Variants in NUP62CL observed in about 807,000 individuals in gnomAD.
NUP62CL encodes nucleoporin 62 C-terminal like.
In NUP62CL, 13 loss-of-function variants were observed where a neutral mutation model predicts 15.3. That is an observed-to-expected ratio of 0.85 (90% confidence interval 0.55 to 1.35). The LOEUF is 1.35. Ranked by LOEUF, NUP62CL falls within the 40% of genes most tolerant of loss-of-function variation. NUP62CL has a pLI of 0.00. For synonymous variants in NUP62CL, 54 were observed against 49.2 expected (o/e 1.10, Z -0.41); for missense variants, 123 against 130.6 (o/e 0.94, Z 0.28).
chrX:107,164,797 C>T (rs1926469761), intron 4 of NUP62CL, among the ~76,000 whole-genome samples: 1 of 112,869 alleles, frequency 8.9e-6, no homozygotes, highest in Admixed American at 9.3e-5. Context: ...TTTAAAAGCC[C>T]CTTTAGCCTA....
chrX:107,133,909 A>G (rs59299869), intron 8 of NUP62CL, among the ~76,000 whole-genome samples: 40,942 of 110,898 alleles, frequency 0.37, 8,134 homozygotes, highest in African/African-American at 0.77. Context: ...CTGCACTCCA[A>G]CCTGGGCGAC....
chrX:107,205,036 A>C (rs1927640445), intron 1 of NUP62CL, among the ~76,000 whole-genome samples: 1 of 110,732 alleles, frequency 9.0e-6, no homozygotes, highest in South Asian at 3.7e-4. Context: ...TGTGGTGTAC[A>C]TTTTTTAAAA....
chrX:107,155,595 G>C (rs1298370652), intron 4 of NUP62CL, among the ~76,000 whole-genome samples: 1 of 111,910 alleles, frequency 8.9e-6, no homozygotes, highest in Non-Finnish European at 1.9e-5. Context: ...ACTTTTGCTG[G>C]AGTGGTGTGG....
intron 7 of NUP62CL, among the ~76,000 whole-genome samples, chrX:107,152,049 G>GATATATATATATATATATAT (rs778670339): frequency 2.4e-5 from 1 of 41,145 alleles, no homozygotes; most frequent in African/African-American, 1.5e-4. Flanking sequence ...TATATATTCA[G>GATATATATATATATATATAT]ATATATATAT....
intron 2 of NUP62CL, among the ~76,000 whole-genome samples, chrX:107,177,802 G>A (rs775810931): frequency 6.3e-5 from 7 of 111,349 alleles, no homozygotes; most frequent in Non-Finnish European, 9.4e-5. Context: ...TCCTCAATGC[G>A]CTAACATAGT....
At chrX:107,199,289 C>T (rs1927428578) in intron 1 of NUP62CL, among the ~76,000 whole-genome samples, 1 of 111,898 alleles carries the variant, frequency 8.9e-6, no homozygotes, top group Non-Finnish European at 1.9e-5. Flanking sequence ...GTGAAGGAAC[C>T]GGACACTATT....
chrX:107,189,893 G>GA (rs1444486654), intron 2 of NUP62CL, among the ~76,000 whole-genome samples: 9 of 90,710 alleles, frequency 9.9e-5, no homozygotes, highest in African/African-American at 4.0e-4. Context: ...AAGAAAGAAA[G>GA]AAAGAAAGAA....
intron 8 of NUP62CL, among the ~76,000 whole-genome samples, chrX:107,131,017 G>A (rs1197567767): frequency 1.8e-5 from 2 of 110,021 alleles, no homozygotes; most frequent in African/African-American, 6.6e-5. Flanking sequence ...GGCCTAATAC[G>A]GAAAAACTAA....
At chrX:107,153,906 G>A (rs925400746) in intron 5 of NUP62CL, among the ~76,000 whole-genome samples, 190 bp downstream of exon 5, 1 of 111,455 alleles carries the variant, frequency 9.0e-6, no homozygotes, top group Non-Finnish European at 1.9e-5. Flanking sequence ...CAGGGAGATC[G>A]AGGCTGCAGT....
At chrX:107,187,600 G>A (rs1927098295) in intron 2 of NUP62CL, among the ~76,000 whole-genome samples, 1 of 112,026 alleles carries the variant, frequency 8.9e-6, no homozygotes, top group South Asian at 3.7e-4. Context: ...GTTTTGCCAC[G>A]TTGGCCAGGC....
chrX:107,183,823 C>G (rs1449374702), intron 2 of NUP62CL, among the ~76,000 whole-genome samples: 1 of 111,259 alleles, frequency 9.0e-6, no homozygotes, highest in Non-Finnish European at 1.9e-5. Flanking sequence ...AGCCTAGACA[C>G]CCACCCTTGT....
intron 4 of NUP62CL, among the ~76,000 whole-genome samples, chrX:107,159,730 A>G (rs867904182): frequency 0.022 from 1,691 of 76,258 alleles, 69 homozygotes; most frequent in African/African-American, 0.081. Flanking sequence ...CAAGACAGGG[A>G]TGCCCTCTCT....
At chrX:107,184,660 A>G (rs1602661544) in intron 2 of NUP62CL, among the ~76,000 whole-genome samples, 1 of 111,955 alleles carries the variant, frequency 8.9e-6, no homozygotes, top group Non-Finnish European at 1.9e-5. Context: ...AGCGCTAAAA[A>G]GTAAATAATA....
At chrX:107,141,830 C>T (rs1006776906) in intron 8 of NUP62CL, among the ~76,000 whole-genome samples, 3 of 109,907 alleles carry the variant, frequency 2.7e-5, no homozygotes, top group African/African-American at 6.6e-5. Flanking sequence ...GAGGCCGAGG[C>T]GGTGGATCAC....
intron 4 of NUP62CL, among the ~76,000 whole-genome samples, chrX:107,160,487 A>T (rs1926334323): frequency 9.2e-6 from 1 of 108,493 alleles, no homozygotes; most frequent in African/African-American, 3.4e-5. Context: ...CATACCTACA[A>T]CTACCTGATC....
At chrX:107,165,649 A>G (rs1926500416) in intron 4 of NUP62CL, among the ~76,000 whole-genome samples, 1 of 111,951 alleles carries the variant, frequency 8.9e-6, no homozygotes, top group Admixed American at 9.5e-5. Context: ...GATTTATTCC[A>G]CATATGCAGG....
chrX:107,188,757 T>C lies in NUP62CL; in HGVS notation c.-48+4272A>G, dbSNP rs1244110602. ...AAAAAAACTCCTAGAATAAATGAGT[T>C]CTCCAATGTTTCAGGATACAAGATA... is the stretch of plus-strand genomic sequence containing the variant. On this transcript the variant is annotated intron_variant, in intron 2 of 8. Coordinates refer to ENST00000372466, the MANE Select transcript of NUP62CL (RefSeq NM_017681.3). 6.3e-5 allele frequency among the ~76,000 whole-genome samples: 7 copies of C among 111,378 alleles called. No individual in the cohort carries two copies. The East Asian group carries it at 1.7e-3, about 27-fold the overall frequency.
intron 3 of NUP62CL, among the ~76,000 whole-genome samples, chrX:107,170,156 G>GAA (rs369898411): frequency 1.2e-5 from 1 of 83,509 alleles, no homozygotes; most frequent in African/African-American, 4.3e-5. Context: ...AAAAGAAAAA[G>GAA]AAAAAAAAAA....
intron 4 of NUP62CL, 82 bp downstream of exon 4, chrX:107,167,567 T>C: frequency 2.9e-6 from 2 of 696,559 alleles, no homozygotes; most frequent in Admixed American, 7.1e-5. Flanking sequence ...TTTCAAATAT[T>C]ATTCTAAAGT....
Sources: allele counts gnomAD v4.1 joint callset (sites outside exome capture counted in the v4.1 genomes callset), GRCh38; gene constraint gnomAD v4.1.1; transcripts MANE v1.5; gene names NCBI Gene and HGNC (gene_info 2026-07-23, HGNC 2026-07-21).